The following EME1 variants were observed in gnomAD, a reference collection of about 807,000 sequenced individuals.
EME1 encodes essential meiotic structure-specific endonuclease 1.
In EME1, 61 loss-of-function variants were observed where a neutral mutation model predicts 59.1. The ratio of observed to expected loss-of-function variants is 1.03; its 90% CI spans 0.84 to 1.28. The LOEUF (loss-of-function observed/expected upper bound fraction) is 1.28. EME1 is among the 50% of genes most tolerant of loss of function. The probability of loss-of-function intolerance (pLI) is 0.00; values close to 1 mark genes in which losing one functional copy is unlikely to be tolerated. For missense variants in EME1, 635 were observed against 682.6 expected (o/e 0.93, Z 0.78); for synonymous variants, 230 against 254.2 (o/e 0.90, Z 0.90).
chr17:50,375,372 C>T lies in EME1; in HGVS notation c.164C>T (p.Ser55Phe), dbSNP rs1913401353. Reference protein sequence around the residue: ...VVVDISDCEASCPPAPELFSP... With the variant: ...VVVDISDCEAFCPPAPELFSP... ...GTTGACATCTCAGATTGTGAAGCCT[C>T]CTGTCCTCCAGCACCAGAGTTATTT... is the stretch of plus-strand genomic sequence containing the variant. The change falls in exon 2 of 9, where the codon TCC (serine) becomes TTC (phenylalanine). Residue 55 changes from serine (S) to phenylalanine (F), a missense_variant. Coordinates refer to ENST00000338165, the MANE Select transcript of EME1 (RefSeq NM_152463.4). 3.1e-6 allele frequency: 5 copies of T among 1,614,182 alleles called. No individual in the cohort carries two copies. In the South Asian group the frequency reaches 3.3e-5, roughly 11 times the overall value.
At chr17:50,380,227 T>C in intron 7 of EME1, 85 bp from the exon 8 acceptor site, 1 of 1,352,170 alleles carries the variant, frequency 7.4e-7, no homozygotes, top group Non-Finnish European at 1.0e-6. Context: ...CCAAGGTCAG[T>C]GGGGGGGTTT....
Position 50,373,259 on chromosome 17 carries a change from G to A in EME1, c.-43G>A. ...CGGGCCCTGCGTGGCAGTTGAAAGA[G>A]TGGCGGGAGAAGTTGCAGGTGAGCG... On this transcript the variant is annotated 5_prime_UTR_variant, in exon 1 of 9. The change creates a new upstream start codon in the 5' untranslated region. Transcript: ENST00000338165. The A allele has an allele frequency of 1.3e-6, 2 of 1,580,586 alleles. No homozygotes were observed. The highest frequency in any genetic ancestry group is 3.5e-5 in the Admixed American group (2 of 56,428).
In EME1 at chr17:50,376,141, C is replaced by T. The variant is rs140871641; in HGVS notation, c.851C>T (p.Ala284Val). 2.5e-5 allele frequency: 40 copies of T among 1,613,884 alleles called. No homozygotes were observed. The highest frequency in any genetic ancestry group is 3.1e-5 in the Non-Finnish European group (36 of 1,180,034). Residue 284 changes from alanine (A) to valine (V), a missense_variant, in exon 3 of 9, where the codon GCG (alanine) becomes GTG (valine). Ala to Val is a moderately conservative substitution (Grantham distance 64). Coordinates refer to ENST00000338165, the MANE Select transcript of EME1 (RefSeq NM_152463.4). ...ATGGAGTGCCGCTGTGTGATTGAGG[C>T]GCAGGCTGTGCCTTGCAGTGTCACT... is the stretch of plus-strand genomic sequence containing the variant. ...QTMECRCVIE[A>V]QAVPCSVTWR...
At chr17:50,376,034 C>T (rs562091369) in intron 2 of EME1, 32 bp from the exon 3 acceptor site, 2 of 1,609,238 alleles carry the variant, frequency 1.2e-6, no homozygotes, top group South Asian at 1.1e-5. Context: ...TTCTGGACCC[C>T]CCACTGACAG....
rs748401009 is a variant in EME1, at chr17:50,375,251, A to G, written c.43A>G (p.Ser15Gly). 40 of 1,614,108 alleles carry G rather than the reference A, an allele frequency of 2.5e-5. No homozygotes were observed. The South Asian group carries it at 3.3e-4, about 13-fold the overall frequency. ...ATCACCCTCACTGGATTCTGGTGAT[A>G]GTGACTCTGAGGAGTTGCCAACATT... ...KSSPSLDSGD[S>G]DSEELPTFAF... The change falls in exon 2 of 9, where the codon AGT becomes GGT. Residue 15 changes from serine to glycine, a missense_variant. Ser to Gly is a moderately conservative substitution (Grantham distance 56). Transcript: ENST00000338165.
chr17:50,374,972 T>C (rs1913377978), intron 1 of EME1: 1 of 433,418 alleles, frequency 2.3e-6, no homozygotes, highest in East Asian at 4.0e-5. Flanking sequence ...ACTTTGTTTA[T>C]ACTTCAGCTT....
intron 7 of EME1, chr17:50,379,782 T>C (rs1913694622): frequency 1.9e-6 from 1 of 536,740 alleles, no homozygotes; most frequent in Non-Finnish European, 3.3e-6. Flanking sequence ...TATATGTAAG[T>C]ATGTGTTCTG....
chr17:50,378,877 A>G lies in EME1; in HGVS notation c.1094A>G (p.Asp365Gly). The G allele has an allele frequency of 6.2e-7, 1 of 1,614,226 alleles. No homozygotes were observed. The highest frequency in any genetic ancestry group is 8.5e-7 in the Non-Finnish European group (1 of 1,180,044). ...AGKALSLVIV[D>G]QEKCFSAQNP... Reference sequence around the variant, plus strand: ...AAAGCTCTGTCACTGGTGATTGTGGATCAGGAGAAATGCTTCAGGTTTGGA... The same window carrying G: ...AAAGCTCTGTCACTGGTGATTGTGGGTCAGGAGAAATGCTTCAGGTTTGGA... Residue 365 changes from aspartate (D) to glycine (G), a missense_variant, in exon 5 of 9, where the codon GAT (aspartate) becomes GGT (glycine). Coordinates refer to ENST00000338165, the MANE Select transcript of EME1 (RefSeq NM_152463.4).
At position 50,373,235 on chromosome 17, in the gene EME1, G is replaced by A; in HGVS notation, c.-67G>A. On this transcript the variant is annotated 5_prime_UTR_variant, in exon 1 of 9. Coordinates refer to ENST00000338165, the MANE Select transcript of EME1 (RefSeq NM_152463.4). ...TTCCGCTATCAGGAGATCTACTTCC[G>A]GGCCCTGCGTGGCAGTTGAAAGAGT... 1 of 1,583,410 alleles carries A rather than the reference G, an allele frequency of 6.3e-7. No individual in the cohort carries two copies. The highest frequency in any genetic ancestry group is 8.6e-7 in the Non-Finnish European group (1 of 1,157,568).
At chr17:50,374,622 C>T (rs35119984) in intron 1 of EME1, among the ~76,000 whole-genome samples, 27,915 of 151,936 alleles carry the variant, frequency 0.18, 3,079 homozygotes, top group Non-Finnish European at 0.24. Flanking sequence ...GAGGCCAAGG[C>T]GGGCGGATCA....
chr17:50,375,161 G>A, intron 1 of EME1, 24 bp from the exon 2 acceptor site: 2 of 1,581,772 alleles, frequency 1.3e-6, no homozygotes, highest in Non-Finnish European at 1.7e-6. Context: ...TCCAGTCTGT[G>A]TCATATGTCT....
chr17:50,378,218 C>T (rs1022342413), intron 3 of EME1, among the ~76,000 whole-genome samples: 3 of 151,950 alleles, frequency 2.0e-5, no homozygotes, highest in African/African-American at 7.3e-5. Context: ...AGGCACGTAC[C>T]GCCACACCCA....
In EME1 at chr17:50,380,189, G is replaced by T. The variant is rs772519614; in HGVS notation, c.1347-123G>T. ...CTCAAATTGTCAAAGGCACAAAAAG[G>T]CCAGATGTAACATGGCGCCCACCTC... is the stretch of plus-strand genomic sequence containing the variant. On this transcript the variant is annotated intron_variant, in intron 7 of 8. Coordinates refer to ENST00000338165, the MANE Select transcript of EME1 (RefSeq NM_152463.4). The T allele has an allele frequency of 4.5e-5, 44 of 973,872 alleles. No homozygotes were observed. The Middle Eastern group carries it at 1.6e-3, about 36-fold the overall frequency. The allele number at this position is 973,872 out of a possible 1,614,324, so 60.3% of individuals were successfully genotyped here.
chr17:50,373,249 A>C lies in EME1; in HGVS notation c.-53A>C. 6.3e-7 allele frequency: 1 copy of C among 1,576,494 alleles called. No homozygotes were observed. Among genetic ancestry groups the C allele is most frequent in the Non-Finnish European group, 8.7e-7 (1 of 1,154,936 alleles). ...GATCTACTTCCGGGCCCTGCGTGGC[A>C]GTTGAAAGAGTGGCGGGAGAAGTTG... is the stretch of plus-strand genomic sequence containing the variant. On this transcript the variant is annotated 5_prime_UTR_variant, in exon 1 of 9. Coordinates refer to ENST00000338165, the MANE Select transcript of EME1 (RefSeq NM_152463.4).
Position 50,380,756 on chromosome 17 carries a change from C to T in EME1, c.1537-7C>T, listed in dbSNP as rs1157194394. ...TACCATATTAAGAGGTCATCTACCA[C>T]TTCCAGGCTTATCAGCAGTGTTTTT... On this transcript the variant is annotated splice_polypyrimidine_tract_variant and splice_region_variant and intron_variant, in intron 8 of 8. Coordinates refer to ENST00000338165, the MANE Select transcript of EME1 (RefSeq NM_152463.4). 1 of 1,613,934 alleles carries T rather than the reference C, an allele frequency of 6.2e-7. No homozygotes were observed. Among genetic ancestry groups the T allele is most frequent in the East Asian group, 2.2e-5 (1 of 44,886 alleles).
At chr17:50,377,812 AT>A (rs1913554111) in intron 3 of EME1, among the ~76,000 whole-genome samples, 1 of 151,630 alleles carries the variant, frequency 6.6e-6, no homozygotes, top group African/African-American at 2.4e-5. Flanking sequence ...CTAGAATGCA[AT>A]GGCATGGTCT....
chr17:50,375,513 G>A lies in EME1; in HGVS notation c.305G>A (p.Cys102Tyr). The A allele has an allele frequency of 6.2e-7, 1 of 1,613,854 alleles. No individual in the cohort carries two copies. The highest frequency in any genetic ancestry group is 1.3e-5 in the African/African-American group (1 of 74,986). ...EFIPLAQRLT[C>Y]KFLTHKQLSP... The stretch of plus-strand genomic sequence containing the variant: ...ATTCCTCTGGCTCAAAGGCTTACAT[G>A]TAAGTTTCTGACCCACAAGCAACTG... Residue 102 changes from cysteine to tyrosine, a missense_variant, in exon 2 of 9, where the codon TGT (cysteine) becomes TAT (tyrosine). Coordinates refer to ENST00000338165, the MANE Select transcript of EME1 (RefSeq NM_152463.4).
intron 3 of EME1, among the ~76,000 whole-genome samples, 186 bp downstream of exon 3, chr17:50,376,379 A>C (rs1913474369): frequency 1.3e-5 from 2 of 152,234 alleles, no homozygotes; most frequent in African/African-American, 4.8e-5. Flanking sequence ...GGGTATGAGG[A>C]AACTACCAGT....
intron 3 of EME1, 101 bp from the exon 4 acceptor site, chr17:50,378,494 G>A (rs138890571): frequency 0.01 from 10,794 of 1,075,070 alleles, 92 homozygotes; most frequent in Non-Finnish European, 0.012. Flanking sequence ...TGCATAAGGG[G>A]TGGGAGTTAG....
Sources: allele counts gnomAD v4.1 joint callset (sites outside exome capture counted in the v4.1 genomes callset), GRCh38; gene constraint gnomAD v4.1.1; transcripts MANE v1.5; gene names NCBI Gene and HGNC (gene_info 2026-07-23, HGNC 2026-07-21).